The following CNTNAP2 variants were observed in gnomAD, a reference collection of about 807,000 sequenced individuals.
CNTNAP2 encodes contactin associated protein 2.
In CNTNAP2, 98 loss-of-function variants were observed where a neutral mutation model predicts 155.2. The observed-to-expected ratio is 0.63, with a 90% CI of 0.54 to 0.75. The LOEUF is 0.75. Ranked by LOEUF, CNTNAP2 falls within the 30% of genes least tolerant of loss-of-function variation. The pLI, the probability that CNTNAP2 is intolerant of heterozygous loss-of-function variation, is 0.00. For synonymous variants in CNTNAP2, 651 were observed against 631.2 expected, an observed-to-expected ratio of 1.03 and a Z score of -0.47; for missense variants, 1,727 against 1,688.1, an observed-to-expected ratio of 1.02 and a Z score of -0.40.
At chr7:147,326,284 A>C (rs1397292906) in intron 9 of CNTNAP2, among the ~76,000 whole-genome samples, 1 of 152,200 alleles carries the variant, frequency 6.6e-6, no homozygotes. Flanking sequence ...ATATGAGTGG[A>C]AACATATAAT....
At chr7:146,125,581 CAAAAAAAAA>C (rs57234097) in intron 1 of CNTNAP2, among the ~76,000 whole-genome samples, 13 of 58,880 alleles carry the variant, frequency 2.2e-4, no homozygotes, top group African/African-American at 8.3e-4. Flanking sequence ...ACTCCGTCTC[CAAAAAAAAA>C]AAAAAAAAAA....
chr7:146,170,020 T>TTTC (rs1554399164), intron 1 of CNTNAP2, among the ~76,000 whole-genome samples: 2 of 142,896 alleles, frequency 1.4e-5, no homozygotes, highest in African/African-American at 5.2e-5. Context: ...TTTCTTTTCT[T>TTTC]TTTTTTTTTT....
intron 14 of CNTNAP2, among the ~76,000 whole-genome samples, chr7:147,950,106 G>T (rs1289941121): frequency 6.6e-6 from 1 of 151,910 alleles, no homozygotes; most frequent in Non-Finnish European, 1.5e-5. Flanking sequence ...AGAATCCTGG[G>T]GGGTGTTTCA....
chr7:146,661,395 GC>G (rs1800084903), intron 1 of CNTNAP2, among the ~76,000 whole-genome samples: 2 of 151,680 alleles, frequency 1.3e-5, no homozygotes, highest in Non-Finnish European at 2.9e-5. Context: ...TGTAACCACT[GC>G]CCCCAAAAGG....
At chr7:147,981,813 GT>G (rs1305598462) in intron 15 of CNTNAP2, among the ~76,000 whole-genome samples, 5 of 148,420 alleles carry the variant, frequency 3.4e-5, no homozygotes, top group Non-Finnish European at 7.6e-5. Context: ...GTGTGTGTGT[GT>G]GTGGTTTTTT....
chr7:146,147,446 T>C (rs920377361), intron 1 of CNTNAP2, among the ~76,000 whole-genome samples: 2 of 152,180 alleles, frequency 1.3e-5, no homozygotes, highest in Non-Finnish European at 2.9e-5. Context: ...CTTTTCATGC[T>C]GTAGCAGCAT....
intron 15 of CNTNAP2, among the ~76,000 whole-genome samples, chr7:148,095,700 A>T (rs545353621): frequency 9.8e-5 from 15 of 152,344 alleles, no homozygotes; most frequent in Admixed American, 4.6e-4. Flanking sequence ...GAAACACACA[A>T]AAAGAGCACC....
intron 13 of CNTNAP2, among the ~76,000 whole-genome samples, chr7:147,648,633 C>T (rs927040465): frequency 6.6e-6 from 1 of 152,136 alleles, no homozygotes; most frequent in Non-Finnish European, 1.5e-5. Flanking sequence ...CAGAGAAACT[C>T]GCCTTTATAA....
At position 148,188,766 on chromosome 7, in the gene CNTNAP2, C is replaced by A. The variant is rs7795254; in HGVS notation, c.3010+16288C>A. Among the ~76,000 whole-genome samples the A allele has an allele frequency of 4.7e-3, 712 of 152,324 alleles. 2 individuals carry two copies. The highest frequency in any genetic ancestry group is 0.016 in the African/African-American group (677 of 41,576). ...TATTATAATGTATGTACCGTACTAT[C>A]ATTATGTACATAGTATTAGCATATA... On this transcript the variant is annotated intron_variant, in intron 18 of 23. Coordinates refer to ENST00000361727, the MANE Select transcript of CNTNAP2 (RefSeq NM_014141.6).
intron 10 of CNTNAP2, among the ~76,000 whole-genome samples, chr7:147,408,777 G>A (rs1223787944): frequency 2.6e-5 from 4 of 152,028 alleles, no homozygotes; most frequent in African/African-American, 9.7e-5. Flanking sequence ...AAAAAAAAGA[G>A]GACGTTGCAT....
chr7:146,810,629 T>G (rs1485792670), intron 2 of CNTNAP2, among the ~76,000 whole-genome samples: 1 of 152,044 alleles, frequency 6.6e-6, no homozygotes, highest in Non-Finnish European at 1.5e-5. Flanking sequence ...TCTATCTGTT[T>G]TTTTTTTAAA....
intron 18 of CNTNAP2, among the ~76,000 whole-genome samples, chr7:148,191,886 A>G (rs754832378): frequency 2.6e-5 from 4 of 152,226 alleles, no homozygotes; most frequent in Non-Finnish European, 4.4e-5. Flanking sequence ...GTGGTGAGAT[A>G]AGGGATGAGT....
chr7:147,379,437 G>A (rs557783993), intron 9 of CNTNAP2, among the ~76,000 whole-genome samples: 1 of 152,030 alleles, frequency 6.6e-6, no homozygotes, highest in South Asian at 2.1e-4. Flanking sequence ...ATTTTTCAGG[G>A]CTTTGTCATT....
At chr7:146,612,567 G>T (rs1330767035) in intron 1 of CNTNAP2, among the ~76,000 whole-genome samples, 1 of 151,934 alleles carries the variant, frequency 6.6e-6, no homozygotes, top group African/African-American at 2.4e-5. Context: ...TTTAAAGGCA[G>T]TGAGCAAAAG....
chr7:147,591,736 C>G (rs1025669267), intron 12 of CNTNAP2, among the ~76,000 whole-genome samples: 1 of 152,104 alleles, frequency 6.6e-6, no homozygotes, highest in Non-Finnish European at 1.5e-5. Flanking sequence ...TTGATTTGTT[C>G]CCCAGTAGCC....
chr7:147,560,091 C>A (rs1562996937), intron 11 of CNTNAP2, among the ~76,000 whole-genome samples: 1 of 141,130 alleles, frequency 7.1e-6, no homozygotes, highest in African/African-American at 2.6e-5. Context: ...TCGCTTGAAT[C>A]TGGGAGGCAG....
chr7:148,229,472 C>A (rs1795919428), intron 19 of CNTNAP2, among the ~76,000 whole-genome samples, 174 bp from the exon 20 acceptor site: 1 of 151,924 alleles, frequency 6.6e-6, no homozygotes, highest in African/African-American at 2.4e-5. Flanking sequence ...TTGCAGTGAG[C>A]CAAGATCGCA....
intron 1 of CNTNAP2, among the ~76,000 whole-genome samples, chr7:146,160,606 A>T (rs571178519): frequency 6.6e-5 from 10 of 152,198 alleles, no homozygotes; most frequent in Admixed American, 6.5e-4. Context: ...ATCTAGCAGA[A>T]ATGGATAAAC....
chr7:147,000,522 A>G (rs180775480), intron 3 of CNTNAP2, among the ~76,000 whole-genome samples: 53 of 152,124 alleles, frequency 3.5e-4, no homozygotes, highest in African/African-American at 1.1e-3. Context: ...GCCTTTGTCT[A>G]TGAATATCCT....
Sources: allele counts gnomAD v4.1 joint callset (sites outside exome capture counted in the v4.1 genomes callset), GRCh38; gene constraint gnomAD v4.1.1; transcripts MANE v1.5; gene names NCBI Gene and HGNC (gene_info 2026-07-23, HGNC 2026-07-21).